VPS13B: variants seen among roughly 807,000 people sequenced by gnomAD.
VPS13B encodes vacuolar protein sorting 13 homolog B.
VPS13B carries 285 observed loss-of-function variants against 426.4 expected under a neutral mutation model. The observed-to-expected ratio is 0.67, with a 90% confidence interval of 0.61 to 0.74. The LOEUF is 0.74. Among genes scored for constraint, VPS13B ranks in the 30% least tolerant of loss-of-function variants. VPS13B has a pLI of 0.00. For synonymous variants in VPS13B, 1,676 were observed against 1,676.4 expected, an observed-to-expected ratio of 1.00 and a Z score of 0.01; for missense variants, 4,537 against 4,782.6, an observed-to-expected ratio of 0.95 and a Z score of 1.51.
intron 19 of VPS13B, among the ~76,000 whole-genome samples, chr8:99,284,662 T>G (rs1588207931): frequency 6.6e-6 from 1 of 152,050 alleles, no homozygotes; most frequent in Non-Finnish European, 1.5e-5. Context: ...GAGATCCTCC[T>G]CCCTCAGTCT....
intron 34 of VPS13B, among the ~76,000 whole-genome samples, chr8:99,653,892 G>A (rs969924277): frequency 6.6e-6 from 1 of 152,046 alleles, no homozygotes; most frequent in Admixed American, 6.6e-5. Context: ...GAATCGCAGA[G>A]CATGTGAAAT....
chr8:99,640,049 G>GAAGAAGAAGAAGAAGAAGAAGAAGAAGA (rs1299280170), intron 33 of VPS13B, among the ~76,000 whole-genome samples: 1 of 99,724 alleles, frequency 1.0e-5, no homozygotes, highest in African/African-American at 4.2e-5. Flanking sequence ...AGAAGAAGAA[G>GAAGAAGAAGAAGAAGAAGAAGAAGAAGA]AGAAAAGAAA....
At chr8:99,718,202 C>T (rs1588652240) in intron 37 of VPS13B, among the ~76,000 whole-genome samples, 1 of 151,848 alleles carries the variant, frequency 6.6e-6, no homozygotes, top group African/African-American at 2.4e-5. Flanking sequence ...GCATCAACCT[C>T]CTGAGTGGGT....
intron 19 of VPS13B, among the ~76,000 whole-genome samples, chr8:99,380,890 T>TAAA (rs1554763321): frequency 1.4e-5 from 2 of 146,358 alleles, no homozygotes; most frequent in Non-Finnish European, 3.0e-5. Context: ...TTTTTTTTTT[T>TAAA]AAAAAAAAAA....
Position 99,053,539 on chromosome 8 carries a change from A to T in VPS13B, c.291+14973A>T, listed in dbSNP as rs577569732. ...TTCTATTATACTTTCTGTTTCTATG[A>T]TTTTGAGTATTCTAAGTACCTCAAG... On this transcript the variant is annotated intron_variant, in intron 3 of 61. Coordinates refer to ENST00000357162, the MANE Select transcript of VPS13B (RefSeq NM_152564.5). Among the ~76,000 whole-genome samples the T allele has an allele frequency of 4.6e-5, 7 of 152,126 alleles. No homozygotes were observed. In the East Asian group the frequency reaches 1.4e-3, roughly 29 times the overall value.
rs778981940 is a variant in VPS13B, at chr8:99,360,188, T to TTC, written c.2825-23998_2825-23997dup. Among the ~76,000 whole-genome samples the TTC allele has an allele frequency of 1.9e-3, 54 of 28,042 alleles. 1 individual carries two copies. The highest frequency in any genetic ancestry group is 4.3e-3 in the African/African-American group (31 of 7,202). 18.4% of individuals were successfully genotyped at this position (28,042 alleles called of 152,430 possible). ...TTTCTTTCTTTCTTTCTTTCTTTCT[T>TTC]TCTCTCTCTCTCTCTCTCTCTCTTT... On this transcript the variant is annotated intron_variant, in intron 19 of 61. Transcript: ENST00000357162.
intron 35 of VPS13B, chr8:99,696,986 G>GTGTGGGAAGTGAGGTA: frequency 4.9e-6 from 3 of 613,020 alleles, no homozygotes; most frequent in Non-Finnish European, 9.2e-6. Context: ...TGCAGCCGGC[G>GTGTGGGAAGTGAGGTA]TGTGGGAAGT....
chr8:99,430,524 A>G (rs767338546), intron 21 of VPS13B, among the ~76,000 whole-genome samples: 13 of 152,196 alleles, frequency 8.5e-5, no homozygotes, highest in East Asian at 3.8e-4. Context: ...AAATTACTCA[A>G]TTGTTTAAAA....
chr8:99,637,225 T>C (rs1829107382), intron 33 of VPS13B, among the ~76,000 whole-genome samples: 1 of 152,066 alleles, frequency 6.6e-6, no homozygotes, highest in African/African-American at 2.4e-5. Flanking sequence ...ATAAAACTTT[T>C]CTTAATAGTG....
chr8:99,827,249 T>G (rs954352557), intron 51 of VPS13B, among the ~76,000 whole-genome samples: 2 of 152,220 alleles, frequency 1.3e-5, no homozygotes, highest in African/African-American at 4.8e-5. Flanking sequence ...ATTTCAGAAC[T>G]TGTTTTTGAT....
At chr8:99,013,718 A>T (rs1841442658) in intron 1 of VPS13B, 42 bp from the exon 2 acceptor site, 19 of 1,594,160 alleles carry the variant, frequency 1.2e-5, no homozygotes, top group Non-Finnish European at 1.5e-5. Flanking sequence ...TCTTTCCTTC[A>T]CTCTACCGCC....
rs114055885 is a variant in VPS13B, at chr8:99,122,180, A to G, written c.1206+735A>G. Among the ~76,000 whole-genome samples, 507 of 151,652 alleles carry G rather than the reference A, an allele frequency of 3.3e-3. 2 individuals are homozygous for G. Among genetic ancestry groups the G allele is most frequent in the African/African-American group, 0.011 (452 of 41,402 alleles). On this transcript the variant is annotated intron_variant, in intron 8 of 61. Transcript: ENST00000357162. Reference sequence around the variant, plus strand: ...AGCCTCATAACAAATTTTTTTTTAAAGGATTGTTTACATATAATTATCTCT... The same window carrying G: ...AGCCTCATAACAAATTTTTTTTTAAGGGATTGTTTACATATAATTATCTCT...
intron 19 of VPS13B, among the ~76,000 whole-genome samples, chr8:99,282,851 T>G (rs1344425193): frequency 1.3e-5 from 2 of 152,192 alleles, no homozygotes; most frequent in Admixed American, 6.5e-5. Flanking sequence ...ATTTTTTAAC[T>G]TTACCAAATT....
intron 20 of VPS13B, among the ~76,000 whole-genome samples, chr8:99,385,444 A>C (rs1814063192): frequency 6.6e-6 from 1 of 152,208 alleles, no homozygotes; most frequent in Non-Finnish European, 1.5e-5. Context: ...AAGTTTAACA[A>C]AAAAGTACTA....
At chr8:99,328,804 A>G (rs1365822047) in intron 19 of VPS13B, among the ~76,000 whole-genome samples, 1 of 152,136 alleles carries the variant, frequency 6.6e-6, no homozygotes, top group Non-Finnish European at 1.5e-5. Context: ...TTGTCCAGCT[A>G]CATCCCTGCA....
At chr8:99,779,844 T>G (rs1811925659) in intron 42 of VPS13B, among the ~76,000 whole-genome samples, 1 of 152,222 alleles carries the variant, frequency 6.6e-6, no homozygotes, top group African/African-American at 2.4e-5. Context: ...AGCTGAAACA[T>G]TTCCCCACAT....
chr8:99,103,212 T>G (rs2132454586), intron 5 of VPS13B, 92 bp downstream of exon 5: 6 of 1,442,246 alleles, frequency 4.2e-6, no homozygotes, highest in Non-Finnish European at 5.8e-6. Context: ...GAGTTGCTGG[T>G]AAATGTTATC....
intron 2 of VPS13B, among the ~76,000 whole-genome samples, chr8:99,014,477 A>T (rs1413191482): frequency 1.3e-5 from 2 of 151,982 alleles, no homozygotes; most frequent in Non-Finnish European, 2.9e-5. Context: ...GGATTACTTA[A>T]AGTTGCTTTG....
At chr8:99,149,274 G>A (rs1810921871) in intron 14 of VPS13B, among the ~76,000 whole-genome samples, 1 of 152,212 alleles carries the variant, frequency 6.6e-6, no homozygotes, top group Admixed American at 6.5e-5. Context: ...CATATACAAT[G>A]TATTGCTTTC....
Sources: allele counts gnomAD v4.1 joint callset (sites outside exome capture counted in the v4.1 genomes callset), GRCh38; gene constraint gnomAD v4.1.1; transcripts MANE v1.5; gene names NCBI Gene and HGNC (gene_info 2026-07-23, HGNC 2026-07-21).